Variants in FBXO31 observed in about 807,000 individuals in gnomAD.
The protein encoded by FBXO31 is F-box only protein 31.
FBXO31 carries 24 observed loss-of-function variants against 54.4 expected under a neutral mutation model. The ratio of observed to expected loss-of-function variants is 0.44; its 90% confidence interval spans 0.32 to 0.62. The LOEUF (loss-of-function observed/expected upper bound fraction) is 0.62, where lower values mean the gene tolerates loss of function less well. FBXO31 is among the 20% of genes least tolerant of loss of function. The pLI, the probability that FBXO31 is intolerant of heterozygous loss-of-function variation, is 0.05. For synonymous variants in FBXO31, 388 were observed against 335.6 expected, an observed-to-expected ratio of 1.16 and a Z score of -1.71; for missense variants, 665 against 787.1, an observed-to-expected ratio of 0.84 and a Z score of 1.86.
intron 8 of FBXO31, among the ~76,000 whole-genome samples, chr16:87,332,745 C>T (rs1904907774): frequency 6.7e-6 from 1 of 149,864 alleles, no homozygotes; most frequent in African/African-American, 2.5e-5. Context: ...AAACCCCCTC[C>T]AGGAGCTGGG....
chr16:87,370,116 G>A (rs1906534078), intron 1 of FBXO31, among the ~76,000 whole-genome samples: 1 of 152,292 alleles, frequency 6.6e-6, no homozygotes, highest in South Asian at 2.1e-4. Flanking sequence ...TCTCTCTGGT[G>A]GGAATGCTTT....
upstream of FBXO31, among the ~76,000 whole-genome samples, chr16:87,386,943 G>C (rs1435447645): frequency 6.6e-6 from 1 of 152,132 alleles, no homozygotes; most frequent in Non-Finnish European, 1.5e-5. Flanking sequence ...CAGACAGCAA[G>C]AATAATGGAA....
chr16:87,383,496 C>G lies in FBXO31; in HGVS notation c.249G>C (p.Pro83=), dbSNP rs533905280. The change falls in exon 1 of 9, where the codon CCG becomes CCC. Residue 83 remains proline, a synonymous_variant. Coordinates refer to ENST00000311635, the MANE Select transcript of FBXO31 (RefSeq NM_024735.5). This position sits in a 1 kb window ranked among gnomAD's most constrained non-coding sequence, Gnocchi z 4.9. ...GGGCCAAGCTGGGTAGGTCCGTGCC[C>G]GGCAGCGACGCGAAGATCTCCACCA... is the stretch of plus-strand genomic sequence containing the variant. ...ELLVEIFASL[P]GTDLPSLAQV... 1.0e-5 allele frequency: 16 copies of G among 1,587,588 alleles called. No homozygotes were observed. The highest frequency in any genetic ancestry group is 1.2e-5 in the Non-Finnish European group (14 of 1,170,750).
rs377670633 is a variant in FBXO31 at position 87,355,236 on chromosome 16, CA to C, written c.412+5058del. Among the ~76,000 whole-genome samples the C allele has an allele frequency of 2.2e-4, 34 of 152,296 alleles. 1 individual carries two copies. The South Asian group carries it at 6.8e-3, about 31-fold the overall frequency. ...GATGTTGGGCCCACAGCGCAAGGTCCAAAGGACTTCAACACGACCAGTTAAC... is the reference window on the plus strand; with the variant it reads ...GATGTTGGGCCCACAGCGCAAGGTCCAAGGACTTCAACACGACCAGTTAAC... On this transcript the variant is annotated intron_variant, in intron 2 of 8. Transcript: ENST00000311635.
At chr16:87,390,084 C>T (rs1222510049), upstream of FBXO31, among the ~76,000 whole-genome samples, 1 of 152,022 alleles carries the variant, frequency 6.6e-6, no homozygotes, top group East Asian at 1.9e-4. Context: ...AGTTCAAGAC[C>T]AGCCTGGCCA....
intron 2 of FBXO31, 52 bp from the exon 3 acceptor site, chr16:87,347,302 G>C (rs767485674): frequency 1.3e-6 from 2 of 1,537,702 alleles, no homozygotes; most frequent in East Asian, 4.5e-5. Context: ...GCGTGCCGCA[G>C]GGAGCCCAGG....
upstream of FBXO31, among the ~76,000 whole-genome samples, chr16:87,391,275 C>T (rs376266988): frequency 4.7e-4 from 71 of 152,282 alleles, 1 homozygote; most frequent in Middle Eastern, 0.014. Flanking sequence ...CCACTGCATT[C>T]CAGGCTGGGC....
At chr16:87,360,482 A>G (rs934506409) in intron 1 of FBXO31, 116 bp from the exon 2 acceptor site, 3 of 785,382 alleles carry the variant, frequency 3.8e-6, no homozygotes, top group Non-Finnish European at 6.5e-6. Flanking sequence ...CCCCATCTCC[A>G]GAGTGCATCT....
In FBXO31 at chr16:87,335,792, T is replaced by C. The variant is rs1379443349; in HGVS notation, c.843-335A>G. On this transcript the variant is annotated intron_variant, in intron 6 of 8. Transcript: ENST00000311635. The surrounding 1 kb of genome is among the most constrained non-coding windows in gnomAD (Gnocchi z 5.7). The stretch of plus-strand genomic sequence containing the variant: ...GTCACCATGGAGGGGATCCCCGCAC[T>C]GGGCTGAGCGGGGCTGAGCTCTAGA... Among the ~76,000 whole-genome samples the C allele has an allele frequency of 6.6e-6, 1 of 152,034 alleles. No homozygotes were observed. Among genetic ancestry groups the C allele is most frequent in the African/African-American group, 2.4e-5 (1 of 41,390 alleles).
chr16:87,334,385 G>A (rs1904976436), intron 7 of FBXO31, 99 bp from the exon 8 acceptor site: 2 of 1,134,082 alleles, frequency 1.8e-6, no homozygotes, highest in Admixed American at 4.9e-5. Flanking sequence ...GAGCGAGCTG[G>A]CACCAGCCCT....
upstream of FBXO31, chr16:87,383,898 C>A (rs575137763): frequency 5.4e-5 from 26 of 477,258 alleles, no homozygotes; most frequent in Non-Finnish European, 6.8e-5. This position sits in a 1 kb window ranked among gnomAD's most constrained non-coding sequence, Gnocchi z 4.9. Context: ...GGCCGCGCCA[C>A]CCCCTCCCCG....
At chr16:87,391,981 T>C (rs1033971142), upstream of FBXO31, 6 of 161,316 alleles carry the variant, frequency 3.7e-5, no homozygotes, top group Non-Finnish European at 6.7e-5. Flanking sequence ...ACCCCGCCTG[T>C]GGCTCAGCCT....
At chr16:87,367,018 A>G (rs148930049) in intron 1 of FBXO31, 1 of 151,986 alleles carries the variant, frequency 6.6e-6, no homozygotes, top group Non-Finnish European at 1.5e-5. Flanking sequence ...GCTCTACAAA[A>G]TTTTTTTTAA....
Position 87,375,798 on chromosome 16 carries a change from C to T in FBXO31, c.340+7607G>A, listed in dbSNP as rs148059223. On this transcript the variant is annotated intron_variant, in intron 1 of 8. Transcript: ENST00000311635. ...AGAAGGAGCCCTTATTTGTGATCTG[C>T]CTGCCCCAACATCAGAAGTACAGAC... Among the ~76,000 whole-genome samples, 202 of 152,232 alleles carry T rather than the reference C, an allele frequency of 1.3e-3. 1 individual carries two copies. Among genetic ancestry groups the T allele is most frequent in the African/African-American group, 4.8e-3 (198 of 41,538 alleles).
At chr16:87,390,173 G>T (rs1907474102), upstream of FBXO31, among the ~76,000 whole-genome samples, 1 of 152,026 alleles carries the variant, frequency 6.6e-6, no homozygotes, top group African/African-American at 2.4e-5. Flanking sequence ...CCCAGCTACT[G>T]GGGAGGCTGA....
At position 87,345,339 on chromosome 16, in the gene FBXO31, G is replaced by A. The variant is rs923744107; in HGVS notation, c.490-1574C>T. Among the ~76,000 whole-genome samples, 2 of 150,556 alleles carry A rather than the reference G, an allele frequency of 1.3e-5. No homozygotes were observed. The highest frequency in any genetic ancestry group is 4.9e-5 in the African/African-American group (2 of 40,882). On this transcript the variant is annotated intron_variant, in intron 3 of 8. Transcript: ENST00000311635. The surrounding 1 kb of genome is among the most constrained non-coding windows in gnomAD (Gnocchi z 4.9). ...AGGGTGCGGGGAGGGCGGGAGGCAG[G>A]GTGGGAGGGAGGGAGGGGAAGAGGG...
chr16:87,374,033 A>T (rs1344331413), intron 1 of FBXO31, among the ~76,000 whole-genome samples: 1 of 152,116 alleles, frequency 6.6e-6, no homozygotes, highest in East Asian at 1.9e-4. Flanking sequence ...TGAGGCCAGG[A>T]CTTCCAGACC....
intron 1 of FBXO31, among the ~76,000 whole-genome samples, chr16:87,362,323 T>C (rs1018494160): frequency 6.6e-6 from 1 of 152,122 alleles, no homozygotes; most frequent in Non-Finnish European, 1.5e-5. Context: ...TTTTTAGAGA[T>C]AGGGTCTCAC....
intron 8 of FBXO31, among the ~76,000 whole-genome samples, chr16:87,333,411 A>G (rs1197496977): frequency 1.3e-5 from 2 of 150,850 alleles, no homozygotes; most frequent in East Asian, 4.0e-4. Context: ...GCACCGGGAG[A>G]TGGCCAAAGG....
Sources: gnomAD v4.1 joint callset for allele counts (sites outside exome capture counted in the v4.1 genomes callset) on GRCh38, gnomAD v4.1.1 for gene constraint, Gnocchi (gnomAD v3.1) non-coding constraint, MANE v1.5 for transcripts, NCBI Gene and HGNC (gene_info 2026-07-23, HGNC 2026-07-21) for gene names.